KCNB2: variants seen among roughly 807,000 people sequenced by gnomAD.
KCNB2 encodes the protein potassium voltage-gated channel subfamily B member 2, also known as delayed rectifier potassium channel protein.
Under a neutral mutation model 61.5 loss-of-function variants are expected in KCNB2, and 15 were observed. That is an observed-to-expected ratio of 0.24 (90% CI 0.16 to 0.38). KCNB2 has a LOEUF of 0.38. Among genes scored for constraint, KCNB2 ranks in the 10% least tolerant of loss-of-function variants. KCNB2 has a pLI of 1.00. For missense variants in KCNB2, 828 were observed against 1,125.2 expected (o/e 0.74, Z 3.78); for synonymous variants, 457 against 446.0 (o/e 1.02, Z -0.31).
chr8:72,920,457 C>CTATATATATATATATATATATATA (rs1286454103), intron 2 of KCNB2, among the ~76,000 whole-genome samples: 3 of 68,436 alleles, frequency 4.4e-5, no homozygotes, highest in South Asian at 4.5e-4. Context: ...ATCTATCTAT[C>CTATATATATATATATATATATATA]TATCTATCTA....
At chr8:72,683,116 T>C (rs891634002) in intron 2 of KCNB2, among the ~76,000 whole-genome samples, 1 of 152,212 alleles carries the variant, frequency 6.6e-6, no homozygotes, top group Non-Finnish European at 1.5e-5. Context: ...TATCCTGGCA[T>C]AATGAAAGAA....
At chr8:72,918,651 T>C (rs998092129) in intron 2 of KCNB2, among the ~76,000 whole-genome samples, 1 of 152,222 alleles carries the variant, frequency 6.6e-6, no homozygotes, top group Non-Finnish European at 1.5e-5. Context: ...TATTTTATTA[T>C]GTTTATATAA....
intron 2 of KCNB2, among the ~76,000 whole-genome samples, chr8:72,782,361 G>C (rs1808773709): frequency 6.6e-6 from 1 of 152,058 alleles, no homozygotes; most frequent in Admixed American, 6.6e-5. Context: ...ACATCTGAAT[G>C]TGTGTTCCGA....
chr8:72,778,340 T>C (rs1445905278), intron 2 of KCNB2, among the ~76,000 whole-genome samples: 1 of 152,116 alleles, frequency 6.6e-6, no homozygotes, highest in Non-Finnish European at 1.5e-5. Flanking sequence ...ATCCTTTCGG[T>C]GCAGCAGTTA....
chr8:72,680,278 G>T (rs924770305), intron 2 of KCNB2, among the ~76,000 whole-genome samples: 1 of 152,170 alleles, frequency 6.6e-6, no homozygotes, highest in Non-Finnish European at 1.5e-5. Context: ...GGGTTAGGGG[G>T]ATGGAGAACC....
intron 2 of KCNB2, among the ~76,000 whole-genome samples, chr8:72,645,736 T>C (rs1467440991): frequency 1.3e-5 from 2 of 152,178 alleles, no homozygotes; most frequent in African/African-American, 4.8e-5. Flanking sequence ...TACTCATGAA[T>C]TAAACCACAC....
chr8:72,859,510 C>A (rs145403599), intron 2 of KCNB2, among the ~76,000 whole-genome samples: 23 of 152,014 alleles, frequency 1.5e-4, no homozygotes, highest in African/African-American at 4.6e-4. Flanking sequence ...TTAGCCATCA[C>A]CTTGTCATCC....
chr8:72,824,735 C>T (rs1015357423), intron 2 of KCNB2, among the ~76,000 whole-genome samples: 1 of 152,132 alleles, frequency 6.6e-6, no homozygotes, highest in African/African-American at 2.4e-5. Flanking sequence ...ACAGCTGCCC[C>T]CATTCCCCAT....
At chr8:72,866,688 G>T (rs1470518651) in intron 2 of KCNB2, among the ~76,000 whole-genome samples, 1 of 152,190 alleles carries the variant, frequency 6.6e-6, no homozygotes, top group Admixed American at 6.5e-5. Context: ...TCAGAGAAGT[G>T]GGTGTGCTTC....
chr8:72,758,179 C>T (rs1451448702), intron 2 of KCNB2, among the ~76,000 whole-genome samples: 2 of 152,114 alleles, frequency 1.3e-5, no homozygotes, highest in Admixed American at 1.3e-4. Flanking sequence ...GAGAAAGGAA[C>T]AGTTCTGGAA....
intron 2 of KCNB2, among the ~76,000 whole-genome samples, chr8:72,705,191 A>AT (rs34053213): frequency 6.6e-6 from 1 of 152,036 alleles, no homozygotes; most frequent in East Asian, 1.9e-4. Flanking sequence ...TCAGCTAATC[A>AT]TTTTTGGGGA....
chr8:72,834,395 A>G (rs1809745895), intron 2 of KCNB2, among the ~76,000 whole-genome samples: 1 of 152,228 alleles, frequency 6.6e-6, no homozygotes, highest in South Asian at 2.1e-4. Flanking sequence ...TAGCTGAAGC[A>G]GACAGGGCAT....
chr8:72,783,753 G>T (rs1291274530), intron 2 of KCNB2, among the ~76,000 whole-genome samples: 1 of 152,168 alleles, frequency 6.6e-6, no homozygotes, highest in Non-Finnish European at 1.5e-5. Flanking sequence ...CACCAGGCAC[G>T]TAGCCATTTG....
chr8:72,867,708 C>T (rs1056890506), intron 2 of KCNB2, among the ~76,000 whole-genome samples: 12 of 152,204 alleles, frequency 7.9e-5, no homozygotes, highest in Non-Finnish European at 1.6e-4. Flanking sequence ...CAAATCCACT[C>T]ACACTTCAGG....
chr8:72,922,127 T>C (rs11991360), intron 2 of KCNB2, among the ~76,000 whole-genome samples: 73,387 of 151,976 alleles, frequency 0.48, 18,774 homozygotes, highest in Middle Eastern at 0.6. Flanking sequence ...TTGCCTTTTT[T>C]TAGATTTTGC....
At chr8:72,731,666 C>T (rs1452079940) in intron 2 of KCNB2, among the ~76,000 whole-genome samples, 3 of 152,158 alleles carry the variant, frequency 2.0e-5, no homozygotes, top group Non-Finnish European at 4.4e-5. Context: ...TCTCAGCTTC[C>T]GTTGCCTCTC....
chr8:72,781,413 A>G (rs1808752900), intron 2 of KCNB2, among the ~76,000 whole-genome samples: 2 of 152,182 alleles, frequency 1.3e-5, no homozygotes, highest in African/African-American at 4.8e-5. Context: ...GAAGGGGTCC[A>G]GTTTCAATTT....
At chr8:72,831,021 C>T (rs1306266008) in intron 2 of KCNB2, among the ~76,000 whole-genome samples, 1 of 152,190 alleles carries the variant, frequency 6.6e-6, no homozygotes, top group African/African-American at 2.4e-5. Flanking sequence ...TATACCAATG[C>T]CATAAAATAG....
intron 2 of KCNB2, among the ~76,000 whole-genome samples, chr8:72,843,283 G>A (rs538660223): frequency 3.3e-5 from 5 of 152,288 alleles, no homozygotes; most frequent in African/African-American, 1.2e-4. Context: ...TAATTTGATT[G>A]TACTGTGGTC....
Sources: gnomAD v4.1 joint callset for allele counts (sites outside exome capture counted in the v4.1 genomes callset) on GRCh38, gnomAD v4.1.1 for gene constraint, MANE v1.5 for transcripts, NCBI Gene and HGNC (gene_info 2026-07-23, HGNC 2026-07-21) for gene names.